SMYD3: variants seen among roughly 807,000 people sequenced by gnomAD.
The protein encoded by SMYD3 is SET and MYND domain containing 3, also known as histone-lysine N-methyltransferase SMYD3.
In SMYD3, 36 loss-of-function variants were observed where a neutral mutation model predicts 57.7. That is an observed-to-expected ratio of 0.62 (90% CI 0.48 to 0.82). The LOEUF is 0.82. Ranked by LOEUF, SMYD3 falls within the 40% of genes least tolerant of loss-of-function variation. The pLI is 0.00. For missense variants in SMYD3, 515 were observed against 538.8 expected, an observed-to-expected ratio of 0.96 and a Z score of 0.44; for synonymous variants, 211 against 195.0, an observed-to-expected ratio of 1.08 and a Z score of -0.68.
chr1:246,323,518 T>A (rs2065284994), intron 5 of SMYD3, among the ~76,000 whole-genome samples: 1 of 150,048 alleles, frequency 6.7e-6, no homozygotes, highest in South Asian at 2.1e-4. Context: ...CAGGCAATAA[T>A]CATGAGCTTC....
intron 10 of SMYD3, among the ~76,000 whole-genome samples, chr1:245,822,766 T>C (rs568786399): frequency 6.6e-6 from 1 of 152,344 alleles, no homozygotes; most frequent in South Asian, 2.1e-4. Flanking sequence ...GGGCCCACTT[T>C]GTACTTGGCT....
chr1:246,090,518 C>CAT (rs1553285892), intron 5 of SMYD3, among the ~76,000 whole-genome samples: 5 of 121,766 alleles, frequency 4.1e-5, no homozygotes, highest in African/African-American at 7.8e-5. Flanking sequence ...TTCTTTCTCT[C>CAT]TCTCTTTTTT....
chr1:245,874,419 C>T (rs747302346), intron 8 of SMYD3, among the ~76,000 whole-genome samples: 1 of 152,182 alleles, frequency 6.6e-6, no homozygotes, highest in Non-Finnish European at 1.5e-5. Context: ...CTTCACATAA[C>T]AAGTCCCTGA....
At chr1:246,398,556 A>G (rs1408679474) in intron 1 of SMYD3, among the ~76,000 whole-genome samples, 2 of 152,228 alleles carry the variant, frequency 1.3e-5, no homozygotes, top group African/African-American at 4.8e-5. Flanking sequence ...TGAAATACTT[A>G]GAGTGGTTCT....
chr1:246,352,163 A>C (rs1246797762), intron 2 of SMYD3, among the ~76,000 whole-genome samples: 5 of 136,868 alleles, frequency 3.7e-5, no homozygotes, highest in African/African-American at 1.1e-4. Flanking sequence ...AAAAAAAAAA[A>C]CATAAAGAAA....
intron 5 of SMYD3, among the ~76,000 whole-genome samples, chr1:246,218,479 CA>C (rs1199229901): frequency 1.3e-5 from 2 of 151,954 alleles, no homozygotes; most frequent in Non-Finnish European, 2.9e-5. Context: ...AAAAATTAGC[CA>C]GGGGGTGGCG....
intron 5 of SMYD3, among the ~76,000 whole-genome samples, chr1:246,046,762 C>T (rs1298487504): frequency 2.0e-5 from 3 of 149,840 alleles, no homozygotes; most frequent in Non-Finnish European, 4.4e-5. Context: ...ATTTGAAAAT[C>T]CAACTTTAAT....
intron 1 of SMYD3, among the ~76,000 whole-genome samples, chr1:246,374,533 C>A (rs2066240818): frequency 6.7e-6 from 1 of 150,346 alleles, no homozygotes; most frequent in African/African-American, 2.5e-5. Flanking sequence ...AAGCACAGTA[C>A]CACAGTGCTG....
chr1:245,796,385 C>A (rs2047521819), intron 10 of SMYD3, among the ~76,000 whole-genome samples: 1 of 151,868 alleles, frequency 6.6e-6, no homozygotes, highest in African/African-American at 2.4e-5. Context: ...TCTTGTAACC[C>A]TGTACAACAG....
intron 8 of SMYD3, among the ~76,000 whole-genome samples, chr1:245,909,749 A>G (rs983254730): frequency 1.3e-5 from 2 of 152,154 alleles, no homozygotes; most frequent in African/African-American, 4.8e-5. Flanking sequence ...AAAACTTTCA[A>G]TAAAATTCAA....
intron 1 of SMYD3, among the ~76,000 whole-genome samples, chr1:246,482,126 C>T (rs1295663597): frequency 6.6e-6 from 1 of 152,076 alleles, no homozygotes; most frequent in Non-Finnish European, 1.5e-5. Context: ...CCACTGTACA[C>T]CAGCCTGGGC....
chr1:246,507,095 G>C lies in SMYD3; in HGVS notation c.123C>G (p.Cys41Trp). 1 of 1,528,744 alleles carries C rather than the reference G, an allele frequency of 6.5e-7. No individual in the cohort carries two copies. The highest frequency in any genetic ancestry group is 1.4e-5 in the African/African-American group (1 of 69,964). 94.7% of individuals were successfully genotyped at this position (1,528,744 alleles called of 1,614,324 possible). Residue 41 changes from cysteine (C) to tryptophan (W), a missense_variant, in exon 1 of 12, where the codon TGC becomes TGG. Transcript: ENST00000490107. ...CGCAGACGACGCCACGACTCCCCTT[G>C]CACACCGTGTACGCCAAGGGATCCG... Reference protein sequence around the residue: ...FRSDPLAYTVCKGSRGVVCDR... With the variant: ...FRSDPLAYTVWKGSRGVVCDR...
At chr1:246,468,718 T>C (rs2067915735) in intron 1 of SMYD3, among the ~76,000 whole-genome samples, 1 of 152,106 alleles carries the variant, frequency 6.6e-6, no homozygotes, top group African/African-American at 2.4e-5. Flanking sequence ...GGCTCATGTC[T>C]GTAATTCAAC....
intron 8 of SMYD3, among the ~76,000 whole-genome samples, chr1:245,881,712 A>G (rs1357017590): frequency 6.6e-6 from 1 of 152,238 alleles, no homozygotes; most frequent in African/African-American, 2.4e-5. Flanking sequence ...TAGTGCAATC[A>G]TGGAAATAAA....
At chr1:246,266,504 T>G (rs1473820156) in intron 5 of SMYD3, among the ~76,000 whole-genome samples, 1 of 152,186 alleles carries the variant, frequency 6.6e-6, no homozygotes, top group Non-Finnish European at 1.5e-5. Context: ...TGGTACAGAG[T>G]AGTTACTCAG....
At chr1:246,340,542 G>C (rs558679381) in intron 2 of SMYD3, among the ~76,000 whole-genome samples, 2 of 152,072 alleles carry the variant, frequency 1.3e-5, no homozygotes, top group South Asian at 4.2e-4. Flanking sequence ...CATTAATTTG[G>C]CAAAAATGAA....
chr1:245,989,321 C>T (rs982873420), intron 5 of SMYD3, among the ~76,000 whole-genome samples: 6 of 152,194 alleles, frequency 3.9e-5, no homozygotes, highest in Non-Finnish European at 8.8e-5. Context: ...GTGCACTCCC[C>T]CAGTACTTGA....
At chr1:245,814,238 A>T in intron 10 of SMYD3, 1 of 325,890 alleles carries the variant, frequency 3.1e-6, no homozygotes, top group Non-Finnish European at 4.4e-6. Flanking sequence ...TTTCTGGTCT[A>T]CTCCTGTTTT....
At chr1:246,277,672 A>G (rs2148562834) in intron 5 of SMYD3, among the ~76,000 whole-genome samples, 1 of 152,322 alleles carries the variant, frequency 6.6e-6, no homozygotes, top group South Asian at 2.1e-4. Flanking sequence ...GTGTTATCCC[A>G]ATACAGACCA....
Sources: allele counts gnomAD v4.1 joint callset (sites outside exome capture counted in the v4.1 genomes callset), GRCh38; gene constraint gnomAD v4.1.1; transcripts MANE v1.5; gene names NCBI Gene and HGNC (gene_info 2026-07-23, HGNC 2026-07-21).